Variants in TLN1 observed in about 807,000 individuals in gnomAD.
TLN1 encodes talin 1, also known as talin-1.
A neutral mutation model predicts 292.3 loss-of-function variants in TLN1; 56 were observed. The observed-to-expected ratio is 0.19, with a 90% CI of 0.15 to 0.24. The LOEUF (loss-of-function observed/expected upper bound fraction) is 0.24. TLN1 is among the 10% of genes least tolerant of loss of function. TLN1 has a pLI of 1.00. For missense variants in TLN1, 2,433 were observed against 3,248.2 expected (o/e 0.75, Z 6.10); for synonymous variants, 1,119 against 1,253.7 (o/e 0.89, Z 2.27).
rs1825586831 is a variant in TLN1, at chr9:35,707,501, G to A, written c.4633-13C>T. 6.2e-7 allele frequency: 1 copy of A among 1,613,168 alleles called. No homozygotes were observed. Among genetic ancestry groups the A allele is most frequent in the African/African-American group, 1.3e-5 (1 of 74,914 alleles). ...CCCCATCTAGCGCCTAGAAGTGACA[G>A]AGAGGCTCTCAGGACTTGGGATGCA... On this transcript the variant is annotated splice_polypyrimidine_tract_variant and intron_variant, in intron 35 of 56. Coordinates refer to ENST00000314888, the MANE Select transcript of TLN1 (RefSeq NM_006289.4). This position sits in a 1 kb window ranked among gnomAD's most constrained non-coding sequence, Gnocchi z 5.6.
intron 28 of TLN1, 63 bp downstream of exon 28, chr9:35,711,942 G>C: frequency 1.2e-6 from 2 of 1,600,762 alleles, no homozygotes; most frequent in Middle Eastern, 1.9e-4. Context: ...AACCGAGAGG[G>C]AGGAAGGAGA....
chr9:35,724,457 T>C lies in TLN1; in HGVS notation c.511+115A>G, dbSNP rs896887373. 1.9e-6 allele frequency: 3 copies of C among 1,559,574 alleles called. No individual in the cohort carries two copies. Among genetic ancestry groups the C allele is most frequent in the African/African-American group, 1.4e-5 (1 of 73,300 alleles). ...TGTAAGTCCCATGAGTGTAGGACTT[T>C]GTTTTCTCACTGATGTATCCCCAGG... On this transcript the variant is annotated intron_variant, in intron 5 of 56. Transcript: ENST00000314888. This position sits in a 1 kb window ranked among gnomAD's most constrained non-coding sequence, Gnocchi z 4.7.
At position 35,698,904 on chromosome 9, in the gene TLN1, C is replaced by G. The variant is rs748693979; in HGVS notation, c.7029G>C (p.Glu2343Asp). The stretch of plus-strand genomic sequence containing the variant: ...TGGACTTGGCAGCTTCTAGTATCTG[C>G]TCCTCAAAGTTCAAGGACTCATCTG... Reference protein sequence around the residue: ...KEADESLNFEEQILEAAKSIA... With the variant: ...KEADESLNFEDQILEAAKSIA... The change falls in exon 53 of 57, where the codon GAG becomes GAC. Residue 2343 changes from glutamate to aspartate, a missense_variant. Glu to Asp is a conservative substitution (Grantham distance 45, BLOSUM62 2). Transcript: ENST00000314888. This position sits in a 1 kb window ranked among gnomAD's most constrained non-coding sequence, Gnocchi z 5.3. 6.2e-7 allele frequency: 1 copy of G among 1,614,130 alleles called. No homozygotes were observed. The highest frequency in any genetic ancestry group is 1.7e-5 in the Admixed American group (1 of 60,022).
At position 35,703,638 on chromosome 9, in the gene TLN1, T is replaced by C; in HGVS notation, c.6396A>G (p.Val2132=). 6.2e-7 allele frequency: 1 copy of C among 1,614,222 alleles called. No individual in the cohort carries two copies. Among genetic ancestry groups the C allele is most frequent in the Non-Finnish European group, 8.5e-7 (1 of 1,180,038 alleles). Residue 2132 remains valine, a synonymous_variant, in exon 48 of 57, where the codon GTA becomes GTG. Coordinates refer to ENST00000314888, the MANE Select transcript of TLN1 (RefSeq NM_006289.4). The part of the protein sequence containing the change: ...VTNVTSLLKT[V]KAVEDEATKG... ...TGGTGGCCTCATCTTCCACGGCTTTTACTGTCTTAAGCAATGATGTCACAT... is the reference window on the plus strand; with the variant it reads ...TGGTGGCCTCATCTTCCACGGCTTTCACTGTCTTAAGCAATGATGTCACAT...
At position 35,697,622 on chromosome 9, in the gene TLN1, G is replaced by A; in HGVS notation, c.*169C>T. 1 of 966,746 alleles carries A rather than the reference G, an allele frequency of 1.0e-6. No individual in the cohort carries two copies. The highest frequency in any genetic ancestry group is 1.5e-6 in the Non-Finnish European group (1 of 659,912). 59.9% of individuals were successfully genotyped at this position (966,746 alleles called of 1,614,324 possible). A position where few individuals can be genotyped will look rare whatever the true frequency, so the allele number is the denominator to read the frequency against. Reference sequence around the variant, plus strand: ...GGGCATGAAGGCACTTGGGGTTGGGGAGGGGACAGGGGATGTACTGCGGGA... The same window carrying A: ...GGGCATGAAGGCACTTGGGGTTGGGAAGGGGACAGGGGATGTACTGCGGGA... On this transcript the variant is annotated 3_prime_UTR_variant, in exon 57 of 57. Coordinates refer to ENST00000314888, the MANE Select transcript of TLN1 (RefSeq NM_006289.4).
chr9:35,719,995 G>T lies in TLN1; in HGVS notation c.1464+44C>A, dbSNP rs574054747. The T allele has an allele frequency of 3.2e-5, 51 of 1,581,160 alleles. No individual in the cohort carries two copies. In the South Asian group the frequency reaches 5.7e-4, roughly 18 times the overall value. ...AACTCCTGGCTCGGCCCAGCTGAGG[G>T]TGAGAGAAGGGCCCTGGCACCGTGG... On this transcript the variant is annotated intron_variant, in intron 13 of 56. Transcript: ENST00000314888. This position sits in a 1 kb window ranked among gnomAD's most constrained non-coding sequence, Gnocchi z 4.6.
Position 35,704,376 on chromosome 9 carries a change from A to G in TLN1, c.6003T>C (p.Ala2001=), listed in dbSNP as rs1188471936. ...DLDTTIMFAT[A]GTLNREGTET... ...CAGTACCCTCACGATTGAGCGTGCC[A>G]GCAGTGGCGAACATGATGGTGGTGT... is the stretch of plus-strand genomic sequence containing the variant. The change falls in exon 45 of 57, where the codon GCT becomes GCC. Residue 2001 remains alanine (A), a synonymous_variant. Transcript: ENST00000314888. This position sits in a 1 kb window ranked among gnomAD's most constrained non-coding sequence, Gnocchi z 6.9. The G allele has an allele frequency of 6.2e-7, 1 of 1,614,078 alleles. No homozygotes were observed. The highest frequency in any genetic ancestry group is 1.3e-5 in the African/African-American group (1 of 74,938).
Position 35,728,984 on chromosome 9 carries a change from C to T in TLN1, c.-34+3091G>A, listed in dbSNP as rs745601205. Among the ~76,000 whole-genome samples, 199 of 152,000 alleles carry T rather than the reference C, an allele frequency of 1.3e-3. 1 individual carries two copies. The highest frequency in any genetic ancestry group is 2.6e-3 in the Non-Finnish European group (177 of 68,004). On this transcript the variant is annotated intron_variant, in intron 1 of 56. Coordinates refer to ENST00000314888, the MANE Select transcript of TLN1 (RefSeq NM_006289.4). The stretch of plus-strand genomic sequence containing the variant: ...ATCCCTTTAGGTCAGGGAAGGGGAA[C>T]CAAAAAGTCTCCATGATAAGTATCA...
chr9:35,709,819 G>A (rs553761211), intron 33 of TLN1, among the ~76,000 whole-genome samples: 78 of 146,588 alleles, frequency 5.3e-4, no homozygotes, highest in African/African-American at 1.8e-3. Context: ...CCCGGGAGGC[G>A]GAGCTTGCAG....
chr9:35,729,753 T>G (rs1256359351), intron 1 of TLN1, among the ~76,000 whole-genome samples: 5 of 152,178 alleles, frequency 3.3e-5, no homozygotes, highest in African/African-American at 1.2e-4. Context: ...CAGCAGCCAC[T>G]TTAGCGGCTG....
At position 35,699,696 on chromosome 9, in the gene TLN1, GA is replaced by G; in HGVS notation, c.6769-236del. On this transcript the variant is annotated intron_variant, in intron 50 of 56. Transcript: ENST00000314888. The surrounding 1 kb of genome is among the most constrained non-coding windows in gnomAD (Gnocchi z 4.0). ...CAAGGAGCAAGGAGAATGATGAGAT[GA>G]AAGAGGAGACGACGAAAGTAGAGAA... is the stretch of plus-strand genomic sequence containing the variant. 1.0e-6 allele frequency: 1 copy of G among 985,390 alleles called. No individual in the cohort carries two copies. Among genetic ancestry groups the G allele is most frequent in the South Asian group, 4.7e-5 (1 of 21,286 alleles). The allele number at this position is 985,390 out of a possible 1,614,324, so 61.0% of individuals were successfully genotyped here. A position where few individuals can be genotyped will look rare whatever the true frequency, so the allele number is the denominator to read the frequency against.
rs1825571251 is a variant in TLN1, at chr9:35,706,704, G to C, written c.5088+64C>G. On this transcript the variant is annotated intron_variant, in intron 38 of 56. Transcript: ENST00000314888. The surrounding 1 kb of genome is among the most constrained non-coding windows in gnomAD (Gnocchi z 4.2). ...TAAGAAGCCACTCCTTGATCCCCCA[G>C]CTTCTTTGAGTCTGATATTTCTCTT... 1 of 1,593,122 alleles carries C rather than the reference G, an allele frequency of 6.3e-7. No individual in the cohort carries two copies. The highest frequency in any genetic ancestry group is 8.5e-7 in the Non-Finnish European group (1 of 1,169,694).
chr9:35,706,182 C>A lies in TLN1; in HGVS notation c.5361+14G>T, dbSNP rs944790085. On this transcript the variant is annotated intron_variant, in intron 40 of 56. Coordinates refer to ENST00000314888, the MANE Select transcript of TLN1 (RefSeq NM_006289.4). The surrounding 1 kb of genome is among the most constrained non-coding windows in gnomAD (Gnocchi z 4.2). ...TCCTGCTAGTAACAGCTCCTCCCTC[C>A]CAACCCTCAATACCTTTGGGTTACC... 2 of 1,609,702 alleles carry A rather than the reference C, an allele frequency of 1.2e-6. No individual in the cohort carries two copies. The highest frequency in any genetic ancestry group is 4.5e-5 in the East Asian group (2 of 44,866).
Position 35,724,181 on chromosome 9 carries a change from C to A in TLN1, c.654+11G>T. The A allele has an allele frequency of 4.3e-6, 7 of 1,614,186 alleles. No homozygotes were observed. The highest frequency in any genetic ancestry group is 1.3e-5 in the African/African-American group (1 of 75,034). On this transcript the variant is annotated intron_variant, in intron 6 of 56. Coordinates refer to ENST00000314888, the MANE Select transcript of TLN1 (RefSeq NM_006289.4). The surrounding 1 kb of genome is among the most constrained non-coding windows in gnomAD (Gnocchi z 4.7). Reference sequence around the variant, plus strand: ...TATTCCTGCCCCACCCCAGCCAAGTCCTCTGCATACCTGCACATACAGGAG... The same window carrying A: ...TATTCCTGCCCCACCCCAGCCAAGTACTCTGCATACCTGCACATACAGGAG...
chr9:35,706,041 G>T lies in TLN1; in HGVS notation c.5432C>A (p.Thr1811Lys). 4 of 1,614,218 alleles carry T rather than the reference G, an allele frequency of 2.5e-6. No individual in the cohort carries two copies. Among genetic ancestry groups the T allele is most frequent in the Non-Finnish European group, 2.5e-6 (3 of 1,180,034 alleles). ...ACTGGCTGCCTCGTTGAGGGTTGTT[G>T]TCAGGTCCTCTACGGCCTCGGTCAT... ...QMMTEAVEDL[T>K]TTLNEAASAA... is the part of the protein sequence containing the mutation. The change falls in exon 41 of 57, where the codon ACA becomes AAA. Residue 1811 changes from threonine to lysine, a missense_variant. This residue lies in a region of TLN1 where 1,384 missense variants were observed against 1,699.6 expected (regional missense o/e 0.81). Coordinates refer to ENST00000314888, the MANE Select transcript of TLN1 (RefSeq NM_006289.4). The surrounding 1 kb of genome is among the most constrained non-coding windows in gnomAD (Gnocchi z 4.2).
At position 35,707,081 on chromosome 9, in the gene TLN1, G is replaced by A; in HGVS notation, c.4946C>T (p.Thr1649Ile). 1 of 1,612,466 alleles carries A rather than the reference G, an allele frequency of 6.2e-7. No homozygotes were observed. The highest frequency in any genetic ancestry group is 8.5e-7 in the Non-Finnish European group (1 of 1,179,648). Residue 1649 changes from threonine (T) to isoleucine (I), a missense_variant, in exon 37 of 57, where the codon ACA (threonine) becomes ATA (isoleucine). Physicochemically the swap from Thr to Ile is moderately conservative, Grantham distance 89. Around this residue, in one of 7 missense-constraint regions of TLN1, gnomAD observed 1,384 missense variants for 1,699.6 expected, o/e 0.81. Coordinates refer to ENST00000314888, the MANE Select transcript of TLN1 (RefSeq NM_006289.4). The surrounding 1 kb of genome is among the most constrained non-coding windows in gnomAD (Gnocchi z 5.6). ...CCCCATCCCTCAATACCTCATGCTTGTAATTAGCTTCTTGATGGAGTCTGA... is the reference window on the plus strand; with the variant it reads ...CCCCATCCCTCAATACCTCATGCTTATAATTAGCTTCTTGATGGAGTCTGA... Reference protein sequence around the residue: ...TVSDSIKKLITSMRDKAPGQL... With the variant: ...TVSDSIKKLIISMRDKAPGQL...
At chr9:35,713,794 GAGAA>G (rs928047483) in intron 25 of TLN1, among the ~76,000 whole-genome samples, 155 bp downstream of exon 25, 1 of 145,876 alleles carries the variant, frequency 6.9e-6, no homozygotes, top group African/African-American at 2.5e-5. Flanking sequence ...GAGAGAGAAA[GAGAA>G]AGAAAAAAGG....
Position 35,697,759 on chromosome 9 carries a change from G to T in TLN1, c.*32C>A. Reference sequence around the variant, plus strand: ...TTGGTAGTGGCACGCACAGTCTCTGGGCCGGGTCTGCATTAAATAGAAGAG... The same window carrying T: ...TTGGTAGTGGCACGCACAGTCTCTGTGCCGGGTCTGCATTAAATAGAAGAG... On this transcript the variant is annotated 3_prime_UTR_variant, in exon 57 of 57. Transcript: ENST00000314888. 1 of 1,612,026 alleles carries T rather than the reference G, an allele frequency of 6.2e-7. No individual in the cohort carries two copies.
At position 35,704,725 on chromosome 9, in the gene TLN1, T is replaced by C; in HGVS notation, c.5824A>G (p.Ser1942Gly). The C allele has an allele frequency of 6.2e-7, 1 of 1,614,128 alleles. No homozygotes were observed. Among genetic ancestry groups the C allele is most frequent in the Non-Finnish European group, 8.5e-7 (1 of 1,180,024 alleles). Reference protein sequence around the residue: ...TKAGALQCSPSDAYTKKELIE... With the variant: ...TKAGALQCSPGDAYTKKELIE... ...AGCTCCTTCTTGGTGTAGGCATCAC[T>C]GGGGCTGCACTGCAGGGCGCCTGCC... Residue 1942 changes from serine to glycine, a missense_variant, in exon 44 of 57, where the codon AGT (serine) becomes GGT (glycine). By Grantham distance (56) the Ser-to-Gly change is moderately conservative. Coordinates refer to ENST00000314888, the MANE Select transcript of TLN1 (RefSeq NM_006289.4). The surrounding 1 kb of genome is among the most constrained non-coding windows in gnomAD (Gnocchi z 6.9).
Sources: allele counts gnomAD v4.1 joint callset (sites outside exome capture counted in the v4.1 genomes callset), GRCh38; gene constraint gnomAD v4.1.1; regional missense constraint gnomAD v4.1.1; non-coding constraint Gnocchi (gnomAD v3.1); transcripts MANE v1.5; gene names NCBI Gene and HGNC (gene_info 2026-07-23, HGNC 2026-07-21).